The following GPBP1 variants were observed in gnomAD, a reference collection of about 807,000 sequenced individuals.
The protein encoded by GPBP1 is GC-rich promoter binding protein 1.
A neutral mutation model predicts 56.5 loss-of-function variants in GPBP1; 13 were observed. The ratio of observed to expected loss-of-function variants is 0.23; its 90% CI spans 0.15 to 0.37. The LOEUF (loss-of-function observed/expected upper bound fraction) is 0.37. Among genes scored for constraint, GPBP1 ranks in the 10% least tolerant of loss-of-function variants. The pLI, the probability that GPBP1 is intolerant of heterozygous loss-of-function variation, is 1.00. For synonymous variants in GPBP1, 204 were observed against 188.9 expected (o/e 1.08, Z -0.66); for missense variants, 477 against 572.3 (o/e 0.83, Z 1.70).
At chr5:57,184,571 C>G (rs562115821) in intron 2 of GPBP1, among the ~76,000 whole-genome samples, 9 of 152,214 alleles carry the variant, frequency 5.9e-5, no homozygotes, top group Admixed American at 4.6e-4. Flanking sequence ...GGTGCTAAGC[C>G]CTTCAGGAGG....
chr5:57,246,330 C>T lies in GPBP1; in HGVS notation c.509C>T (p.Pro170Leu). Residue 170 changes from proline (P) to leucine (L), a missense_variant, in exon 7 of 12, where the codon CCA (proline) becomes CTA (leucine). By Grantham distance (98) the Pro-to-Leu change is moderately conservative (BLOSUM62 -3). Around this residue, in one of 2 missense-constraint regions of GPBP1, gnomAD observed 414 missense variants for 458.2 expected, o/e 0.90. Transcript: ENST00000506184. Reference protein sequence around the residue: ...EYPPNPKSRAPRMLVIKKGNT... With the variant: ...EYPPNPKSRALRMLVIKKGNT... ...CCTCCGAATCCTAAATCTAGAGCTCCAAGGATGCTGGTCATTAAGAAAGGT... is the reference window on the plus strand; with the variant it reads ...CCTCCGAATCCTAAATCTAGAGCTCTAAGGATGCTGGTCATTAAGAAAGGT... 6.2e-7 allele frequency: 1 copy of T among 1,613,250 alleles called. No homozygotes were observed. Among genetic ancestry groups the T allele is most frequent in the Non-Finnish European group, 8.5e-7 (1 of 1,179,578 alleles).
chr5:57,219,388 A>C (rs1019468149), intron 3 of GPBP1, among the ~76,000 whole-genome samples: 1,255 of 57,972 alleles, frequency 0.022, 97 homozygotes, highest in Admixed American at 0.056. Flanking sequence ...AAAAAAAAAA[A>C]AAAAAAAAAA....
chr5:57,216,347 G>A (rs1755697683), intron 3 of GPBP1, among the ~76,000 whole-genome samples: 1 of 152,190 alleles, frequency 6.6e-6, no homozygotes, highest in African/African-American at 2.4e-5. Flanking sequence ...GGGGAGGGTA[G>A]CTGGTTGTAG....
chr5:57,239,347 T>G (rs1561364715), intron 6 of GPBP1, among the ~76,000 whole-genome samples: 1 of 152,238 alleles, frequency 6.6e-6, no homozygotes, highest in East Asian at 1.9e-4. Context: ...GTTCTTTATA[T>G]GAATAACGTT....
intron 2 of GPBP1, among the ~76,000 whole-genome samples, chr5:57,185,687 A>T (rs967364683): frequency 6.6e-6 from 1 of 151,998 alleles, no homozygotes; most frequent in Non-Finnish European, 1.5e-5. Flanking sequence ...TGTCTGTTCA[A>T]ATATTTTGCC....
chr5:57,256,835 T>C (rs1232923025), intron 10 of GPBP1, among the ~76,000 whole-genome samples: 2 of 152,226 alleles, frequency 1.3e-5, no homozygotes, highest in Non-Finnish European at 2.9e-5. Flanking sequence ...CAAAGACGTA[T>C]ATCAATACCT....
At chr5:57,177,045 C>T (rs1414877972) in intron 2 of GPBP1, among the ~76,000 whole-genome samples, 1 of 152,092 alleles carries the variant, frequency 6.6e-6, no homozygotes, top group Non-Finnish European at 1.5e-5. Flanking sequence ...GAGGGTATTA[C>T]CAGGACCAGA....
At chr5:57,222,559 TTCTATAGTCAG>T (rs1341071753) in intron 3 of GPBP1, among the ~76,000 whole-genome samples, 1 of 152,238 alleles carries the variant, frequency 6.6e-6, no homozygotes, top group Non-Finnish European at 1.5e-5. Flanking sequence ...TCTAGTATCT[TTCTATAGTCAG>T]TCATAGGAAA....
intron 6 of GPBP1, among the ~76,000 whole-genome samples, chr5:57,239,416 C>G (rs907760411): frequency 6.6e-6 from 1 of 152,194 alleles, no homozygotes; most frequent in African/African-American, 2.4e-5. Context: ...TAAATTATAA[C>G]AGTTAGTGAA....
intron 2 of GPBP1, among the ~76,000 whole-genome samples, chr5:57,194,698 TCTC>T (rs1754672592): frequency 6.6e-6 from 1 of 152,158 alleles, no homozygotes; most frequent in Admixed American, 6.6e-5. Context: ...TAACCATTAT[TCTC>T]CTCTACCTGT....
chr5:57,200,800 GGCTAACAAGTAGCTGGGACTACAGGC>G (rs1213787478), intron 2 of GPBP1, among the ~76,000 whole-genome samples: 2 of 152,164 alleles, frequency 1.3e-5, no homozygotes, highest in African/African-American at 4.8e-5. Context: ...TCCTGCCTCA[GGCTAACAAGTAGCTGGGACTACAGGC>G]GCTAGCCACC....
intron 3 of GPBP1, among the ~76,000 whole-genome samples, chr5:57,225,508 A>AAAAAAAAC (rs1554069044): frequency 9.7e-5 from 12 of 123,614 alleles, no homozygotes; most frequent in Non-Finnish European, 1.7e-4. Context: ...AAAAAAAAAA[A>AAAAAAAAC]AAACAAACTG....
intron 6 of GPBP1, among the ~76,000 whole-genome samples, chr5:57,240,712 C>A (rs911869620): frequency 2.0e-5 from 3 of 152,100 alleles, no homozygotes; most frequent in Non-Finnish European, 2.9e-5. Context: ...GTGGCTCTCA[C>A]ACCTGTAATC....
intron 2 of GPBP1, among the ~76,000 whole-genome samples, chr5:57,185,352 A>C (rs549132293): frequency 6.7e-6 from 1 of 148,756 alleles, no homozygotes; most frequent in Non-Finnish European, 1.5e-5. Flanking sequence ...ACCTCCGCCT[A>C]CCGGGTTTAA....
At chr5:57,204,621 G>C (rs1411344498) in intron 2 of GPBP1, among the ~76,000 whole-genome samples, 2 of 152,154 alleles carry the variant, frequency 1.3e-5, no homozygotes, top group African/African-American at 4.8e-5. Flanking sequence ...GGTCAGTTAT[G>C]TTAGTGTCTC....
At chr5:57,207,425 G>A (rs1755277677) in intron 2 of GPBP1, among the ~76,000 whole-genome samples, 2 of 151,974 alleles carry the variant, frequency 1.3e-5, no homozygotes, top group Admixed American at 1.3e-4. Context: ...GCACCCCACT[G>A]CTCAAATCTC....
In GPBP1 at chr5:57,175,956, T is replaced by A. The variant is rs545225823; in HGVS notation, c.-502T>A. On this transcript the variant is annotated 5_prime_UTR_variant, in exon 2 of 12. Coordinates refer to ENST00000506184, the MANE Select transcript of GPBP1 (RefSeq NM_022913.4). The stretch of plus-strand genomic sequence containing the variant: ...AGAATACAGAGTTTTTTTCCTTTTA[T>A]CTTTTATTTACGTGGAAATTTAAGA... The A allele has an allele frequency of 5.3e-5, 21 of 398,600 alleles. No homozygotes were observed. Among genetic ancestry groups the A allele is most frequent in the African/African-American group, 3.3e-4 (16 of 48,760 alleles). 24.7% of individuals were successfully genotyped at this position (398,600 alleles called of 1,614,324 possible).
At chr5:57,242,701 C>T (rs2111904770) in intron 6 of GPBP1, among the ~76,000 whole-genome samples, 1 of 152,226 alleles carries the variant, frequency 6.6e-6, no homozygotes, top group South Asian at 2.1e-4. Context: ...CCACCTTGGC[C>T]TCCGAAAGTG....
Position 57,262,275 on chromosome 5 carries a change from G to A in GPBP1, c.1264-319G>A, listed in dbSNP as rs551814578. Reference sequence around the variant, plus strand: ...CAAACTATGAACAAAGCAGATTGGGGGGTGTATTAATTTAGGTCAGAATAA... The same window carrying A: ...CAAACTATGAACAAAGCAGATTGGGAGGTGTATTAATTTAGGTCAGAATAA... On this transcript the variant is annotated intron_variant, in intron 11 of 11. Transcript: ENST00000506184. Among the ~76,000 whole-genome samples the A allele has an allele frequency of 7.0e-4, 106 of 152,036 alleles. 1 individual carries two copies. Among genetic ancestry groups the A allele is most frequent in the Non-Finnish European group, 1.2e-3 (79 of 67,988 alleles).
Sources: allele counts gnomAD v4.1 joint callset (sites outside exome capture counted in the v4.1 genomes callset), GRCh38; gene constraint gnomAD v4.1.1; regional missense constraint gnomAD v4.1.1; transcripts MANE v1.5; gene names NCBI Gene and HGNC (gene_info 2026-07-23, HGNC 2026-07-21).